TUBGCP6: variants seen among roughly 807,000 people sequenced by gnomAD.
TUBGCP6 encodes the protein tubulin gamma complex component 6.
In TUBGCP6, 161 loss-of-function variants were observed where a neutral mutation model predicts 175.8. The observed-to-expected ratio is 0.92, with a 90% CI of 0.81 to 1.04. The LOEUF is 1.04. Among genes scored for constraint, TUBGCP6 ranks in the 50% least tolerant of loss-of-function variants. The pLI is 0.00. For synonymous variants in TUBGCP6, 1,173 were observed against 1,030.5 expected (o/e 1.14, Z -2.65); for missense variants, 2,572 against 2,433.0 (o/e 1.06, Z -1.20).
intron 2 of TUBGCP6, among the ~76,000 whole-genome samples, chr22:50,234,342 C>T (rs2064735855): frequency 2.2e-5 from 3 of 137,928 alleles, no homozygotes; most frequent in Admixed American, 7.1e-5. Flanking sequence ...CAGCAGCATC[C>T]ACACCCCTGT....
At chr22:50,240,414 G>A (rs781199720) in intron 1 of TUBGCP6, 47 bp from the exon 2 acceptor site, 22 of 1,607,350 alleles carry the variant, frequency 1.4e-5, no homozygotes, top group Admixed American at 1.2e-4. Context: ...CTGTGTCCAC[G>A]TTTCATCCAA....
At chr22:50,220,124 C>T (rs574481698) in intron 16 of TUBGCP6, 109 bp from the exon 17 acceptor site, 1 of 1,549,018 alleles carries the variant, frequency 6.5e-7, no homozygotes, top group African/African-American at 1.4e-5. Context: ...CCCACAGCAG[C>T]CCAGGTCCTG....
At chr22:50,233,033 C>A (rs181565065) in intron 3 of TUBGCP6, among the ~76,000 whole-genome samples, 4 of 152,224 alleles carry the variant, frequency 2.6e-5, no homozygotes, top group African/African-American at 9.6e-5. Context: ...CACTTCAGGA[C>A]GGAAATGGAA....
rs777605117 is a variant in TUBGCP6 at position 50,233,528 on chromosome 22, TG to T, written c.906-3del. 2 of 1,599,242 alleles carry T rather than the reference TG, an allele frequency of 1.3e-6. No individual in the cohort carries two copies. Among genetic ancestry groups the T allele is most frequent in the South Asian group, 2.2e-5 (2 of 89,092 alleles). ...GGCTCCTCTCTGTGGCCAGGGGGGCTGCGAGGGGTGCAGAAGAGAGGCCATG... is the reference window on the plus strand; with the variant it reads ...GGCTCCTCTCTGTGGCCAGGGGGGCTCGAGGGGTGCAGAAGAGAGGCCATG... On this transcript the variant is annotated splice_region_variant and splice_polypyrimidine_tract_variant and intron_variant, in intron 2 of 24. Coordinates refer to ENST00000248846, the MANE Select transcript of TUBGCP6 (RefSeq NM_020461.4).
chr22:50,240,072 A>G, intron 2 of TUBGCP6, 132 bp downstream of exon 2: 1 of 1,269,578 alleles, frequency 7.9e-7, no homozygotes, highest in Non-Finnish European at 1.1e-6. Flanking sequence ...AATTTTGGAC[A>G]CTAGCTTAGG....
Position 50,220,517 on chromosome 22 carries a change from G to GC in TUBGCP6, c.3841dup (p.Ala1281GlyfsTer7), listed in dbSNP as rs753094803. 16 of 1,613,338 alleles carry GC rather than the reference G, an allele frequency of 9.9e-6. No individual in the cohort carries two copies. Among genetic ancestry groups the GC allele is most frequent in the African/African-American group, 1.3e-5 (1 of 74,932 alleles). On this transcript the variant is annotated frameshift_variant, in exon 16 of 25. Coordinates refer to ENST00000248846, the MANE Select transcript of TUBGCP6 (RefSeq NM_020461.4). LOFTEE classifies it high-confidence loss of function. ...GTTGGGCTCAGCTTCTGGTGAGAGA[G>GC]CCCCCAGCACCATGTGGGGCGGAGG...
intron 2 of TUBGCP6, among the ~76,000 whole-genome samples, chr22:50,234,112 C>A (rs982662299): frequency 6.7e-6 from 1 of 149,930 alleles, no homozygotes; most frequent in Non-Finnish European, 1.5e-5. Context: ...GCATCCACAC[C>A]CCCTGTCCAC....
chr22:50,224,639 G>A (rs765416372), intron 10 of TUBGCP6, 47 bp from the exon 11 acceptor site: 55 of 1,593,208 alleles, frequency 3.5e-5, no homozygotes, highest in Non-Finnish European at 4.5e-5. Context: ...GGGCGCAGTG[G>A]CTCACGCCTG....
intron 2 of TUBGCP6, among the ~76,000 whole-genome samples, chr22:50,237,687 G>A (rs757513410): frequency 2.0e-5 from 3 of 152,018 alleles, no homozygotes; most frequent in Non-Finnish European, 2.9e-5. Flanking sequence ...CCGGAGCTCC[G>A]CAGCCTAGGA....
At position 50,218,307 on chromosome 22, in the gene TUBGCP6, T is replaced by C. The variant is rs146532216; in HGVS notation, c.5050A>G (p.Ile1684Val). Residue 1684 changes from isoleucine to valine, a missense_variant, in exon 23 of 25, where the codon ATC becomes GTC. Transcript: ENST00000248846. ...GTGACGTGCAGGATCTGGTTGGCGA[T>C]GTAGCCCTGGATGACCTTCACGAAA... ...QHFVKVIQGY[I>V]ANQILHVTWC... 1,300 of 1,613,110 alleles carry C rather than the reference T, an allele frequency of 8.1e-4. 17 individuals carry two copies. The East Asian group carries it at 0.026, about 32-fold the overall frequency.
rs895319593 is a variant in TUBGCP6, at chr22:50,218,774, G to C, written c.4750C>G (p.Leu1584Val). ...GCAAACACCTCGGGCAGGTACTTGA[G>C]AGCGAGGGAGAGGTTGGAGGCGTGC... The part of the protein sequence containing the change: ...TPHASNLSLA[L>V]KYLPEVFAPN... The change falls in exon 21 of 25, where the codon CTC (leucine) becomes GTC (valine). Residue 1584 changes from leucine (L) to valine (V), a missense_variant. Leu to Val is a conservative substitution (Grantham distance 32). Transcript: ENST00000248846. 6.2e-7 allele frequency: 1 copy of C among 1,614,130 alleles called. No homozygotes were observed. The highest frequency in any genetic ancestry group is 2.2e-5 in the East Asian group (1 of 44,866).
rs748711979 is a variant in TUBGCP6, at chr22:50,217,816, G to A, written c.5380C>T (p.Leu1794=). 3.1e-6 allele frequency: 5 copies of A among 1,613,896 alleles called. No homozygotes were observed. The highest frequency in any genetic ancestry group is 4.2e-6 in the Non-Finnish European group (5 of 1,179,986). Residue 1794 remains leucine (L), a synonymous_variant, in exon 25 of 25, where the codon CTG becomes TTG. Coordinates refer to ENST00000248846, the MANE Select transcript of TUBGCP6 (RefSeq NM_020461.4). ...TGGGGCTGGTAGCCGCGGTTCACCA[G>A]CTTGGTCACCACTGGGGACCAGCGA... ...SHFLFKVVTK[L]VNRGYQPHLE... is the part of the protein sequence containing the mutation.
chr22:50,233,587 G>C (rs2147201183), intron 2 of TUBGCP6, 61 bp from the exon 3 acceptor site: 1 of 1,501,538 alleles, frequency 6.7e-7, no homozygotes, highest in East Asian at 2.4e-5. Context: ...TCAGCACCAG[G>C]GTGCTTTCTC....
intron 5 of TUBGCP6, 106 bp from the exon 6 acceptor site, chr22:50,227,183 C>G (rs2064625037): frequency 9.5e-7 from 1 of 1,055,324 alleles, no homozygotes; most frequent in Admixed American, 2.7e-5. Context: ...CCTGGGGCAA[C>G]TAACTTTAGA....
Position 50,221,927 on chromosome 22 carries a change from C to T in TUBGCP6, c.2485-53G>A, listed in dbSNP as rs2064531693. 5.8e-6 allele frequency: 9 copies of T among 1,561,394 alleles called. No individual in the cohort carries two copies. In the South Asian group the frequency reaches 7.1e-5, roughly 12 times the overall value. ...TCTGGTCTCAGGACCCCCCAGCCCTCGAACTGTCCCCCAAGTTCAGCTCTG... is the reference window on the plus strand; with the variant it reads ...TCTGGTCTCAGGACCCCCCAGCCCTTGAACTGTCCCCCAAGTTCAGCTCTG... On this transcript the variant is annotated intron_variant, in intron 15 of 24. Transcript: ENST00000248846.
At position 50,219,226 on chromosome 22, in the gene TUBGCP6, G is replaced by A. The variant is rs1222156215; in HGVS notation, c.4485-17C>T. On this transcript the variant is annotated splice_polypyrimidine_tract_variant and intron_variant, in intron 19 of 24. Coordinates refer to ENST00000248846, the MANE Select transcript of TUBGCP6 (RefSeq NM_020461.4). ...AAGGAGATGCTGGCAGGAGGGAGCT[G>A]GAGTCAGGGCGGGCCAGGACGGGCT... 1.2e-6 allele frequency: 2 copies of A among 1,611,108 alleles called. No individual in the cohort carries two copies. Among genetic ancestry groups the A allele is most frequent in the Admixed American group, 1.7e-5 (1 of 60,010 alleles).
At chr22:50,242,997 A>G (rs2064858420) in intron 1 of TUBGCP6, among the ~76,000 whole-genome samples, 1 of 152,168 alleles carries the variant, frequency 6.6e-6, no homozygotes, top group South Asian at 2.1e-4. Flanking sequence ...CCACCAGACT[A>G]TCCCCCCTTT....
intron 2 of TUBGCP6, among the ~76,000 whole-genome samples, chr22:50,234,622 G>T (rs115112240): frequency 0.016 from 1,942 of 119,692 alleles, 62 homozygotes; most frequent in African/African-American, 0.061. Context: ...ATCCACAGCA[G>T]CATCATCCAC....
At position 50,221,425 on chromosome 22, in the gene TUBGCP6, GC is replaced by G; in HGVS notation, c.2933del (p.Gly978AlafsTer66). The G allele has an allele frequency of 6.2e-7, 1 of 1,601,032 alleles. No homozygotes were observed. On this transcript the variant is annotated frameshift_variant, in exon 16 of 25. Coordinates refer to ENST00000248846, the MANE Select transcript of TUBGCP6 (RefSeq NM_020461.4). LOFTEE classifies it high-confidence loss of function. The stretch of plus-strand genomic sequence containing the variant: ...CCTCCCACAGCTGTAGCCCTGAGCT[GC>G]CCAAGCTGCACTCTGCAGCCTGCAG... ...GPLQAAECSLGSSGLQLWEDS... is the reference protein window; with the variant it reads ...GPLQAAECSLXSSGLQLWEDS...
Sources: gnomAD v4.1 joint callset for allele counts (sites outside exome capture counted in the v4.1 genomes callset) on GRCh38, gnomAD v4.1.1 for gene constraint, MANE v1.5 for transcripts, NCBI Gene and HGNC (gene_info 2026-07-23, HGNC 2026-07-21) for gene names.